The following GPC5 variants were observed in gnomAD, a reference collection of about 807,000 sequenced individuals.
GPC5 encodes glypican 5, also known as glypican-5.
Under a neutral mutation model 53.9 loss-of-function variants are expected in GPC5, and 47 were observed. That is an observed-to-expected ratio of 0.87 (90% CI 0.69 to 1.11). The LOEUF is 1.11. Ranked by LOEUF, GPC5 falls within the 50% of genes most tolerant of loss-of-function variation. GPC5 has a pLI of 0.00. For missense variants in GPC5, 748 were observed against 713.1 expected (o/e 1.05, Z -0.56); for synonymous variants, 286 against 263.3 (o/e 1.09, Z -0.84).
chr13:92,583,104 A>C (rs1034580652), intron 7 of GPC5, among the ~76,000 whole-genome samples: 3 of 152,154 alleles, frequency 2.0e-5, no homozygotes, highest in African/African-American at 7.2e-5. Flanking sequence ...TTCACTGTTA[A>C]GTATGTTAAC....
chr13:92,133,452 G>T (rs2041760856), intron 6 of GPC5, among the ~76,000 whole-genome samples: 1 of 152,124 alleles, frequency 6.6e-6, no homozygotes, highest in South Asian at 2.1e-4. Context: ...TGCATAGCTG[G>T]CTAATGAAGG....
intron 2 of GPC5, among the ~76,000 whole-genome samples, chr13:91,485,599 GA>G (rs1282236958): frequency 6.6e-6 from 1 of 152,098 alleles, no homozygotes; most frequent in African/African-American, 2.4e-5. Context: ...CAAATGAACT[GA>G]ATAATAGTAA....
In GPC5 at chr13:91,629,494, T is replaced by C. The variant is rs57676821; in HGVS notation, c.326-63693T>C. Among the ~76,000 whole-genome samples the C allele has an allele frequency of 1.4e-3, 207 of 151,936 alleles. 1 individual carries two copies. The highest frequency in any genetic ancestry group is 4.8e-3 in the African/African-American group (200 of 41,450). On this transcript the variant is annotated intron_variant, in intron 2 of 7. Coordinates refer to ENST00000377067, the MANE Select transcript of GPC5 (RefSeq NM_004466.6). ...TCCGCCTCTACTAAGAGTACAAAAA[T>C]TTGCTGGGCGTGGTGGCACACACCT...
At chr13:91,914,489 T>C (rs139375304) in intron 6 of GPC5, among the ~76,000 whole-genome samples, 6,382 of 152,128 alleles carry the variant, frequency 0.042, 208 homozygotes, top group Non-Finnish European at 0.066. Flanking sequence ...CATTTTTAGA[T>C]GTGAGGAAAG....
chr13:91,642,979 A>G (rs1458165408), intron 2 of GPC5, among the ~76,000 whole-genome samples: 1 of 152,178 alleles, frequency 6.6e-6, no homozygotes, highest in Non-Finnish European at 1.5e-5. Context: ...TGCTTGCCAC[A>G]TAAGTACGTT....
chr13:91,422,645 G>GAAA (rs72463929), intron 1 of GPC5, among the ~76,000 whole-genome samples: 2 of 148,862 alleles, frequency 1.3e-5, no homozygotes, highest in African/African-American at 2.5e-5. Context: ...AAAGAAAAAA[G>GAAA]AAAAAAAAAA....
chr13:92,765,677 A>C (rs1250687153), intron 7 of GPC5, among the ~76,000 whole-genome samples: 1 of 152,144 alleles, frequency 6.6e-6, no homozygotes, highest in Non-Finnish European at 1.5e-5. Flanking sequence ...GCACCAAGCA[A>C]TCTGAATTCA....
intron 7 of GPC5, among the ~76,000 whole-genome samples, chr13:92,463,686 A>G (rs1878581746): frequency 6.6e-6 from 1 of 152,166 alleles, no homozygotes; most frequent in Non-Finnish European, 1.5e-5. Context: ...ACATAAAATA[A>G]TATTTGGTAA....
At chr13:91,552,365 G>A (rs886132882) in intron 2 of GPC5, among the ~76,000 whole-genome samples, 3 of 151,910 alleles carry the variant, frequency 2.0e-5, no homozygotes, top group African/African-American at 4.8e-5. Flanking sequence ...AGGAATTGCC[G>A]AGACCAGCTC....
intron 3 of GPC5, among the ~76,000 whole-genome samples, chr13:91,702,455 G>T (rs2036013451): frequency 6.6e-6 from 1 of 151,928 alleles, no homozygotes; most frequent in African/African-American, 2.4e-5. Flanking sequence ...TAATTAACTA[G>T]AGATGCATAA....
chr13:92,380,996 G>C (rs1454558357), intron 7 of GPC5, among the ~76,000 whole-genome samples: 1 of 152,050 alleles, frequency 6.6e-6, no homozygotes, highest in Non-Finnish European at 1.5e-5. Flanking sequence ...ATGACCACAT[G>C]AAAACCTCCT....
chr13:92,153,957 T>C (rs1268509296), intron 7 of GPC5, among the ~76,000 whole-genome samples: 6 of 152,194 alleles, frequency 3.9e-5, no homozygotes, highest in Non-Finnish European at 8.8e-5. Context: ...ACTTTGTTTT[T>C]GTATTGTTGT....
At chr13:91,529,640 C>T (rs1210030393) in intron 2 of GPC5, among the ~76,000 whole-genome samples, 1 of 152,058 alleles carries the variant, frequency 6.6e-6, no homozygotes, top group Non-Finnish European at 1.5e-5. Flanking sequence ...GCATTGTTAG[C>T]GTTATAGATA....
At chr13:91,979,130 C>T (rs1404012067) in intron 6 of GPC5, among the ~76,000 whole-genome samples, 1 of 151,862 alleles carries the variant, frequency 6.6e-6, no homozygotes, top group Non-Finnish European at 1.5e-5. Context: ...AATAGCCATC[C>T]AAGCAGAGAT....
chr13:92,705,449 GTAGCTATTCCATA>G (rs1384376357), intron 7 of GPC5, among the ~76,000 whole-genome samples: 2 of 152,076 alleles, frequency 1.3e-5, no homozygotes, highest in East Asian at 3.9e-4. Context: ...GCAATGAAAT[GTAGCTATTCCATA>G]TTGAGATATA....
rs191399961 is a variant in GPC5 at position 92,292,198 on chromosome 13, C to T, written c.1561+147209C>T. On this transcript the variant is annotated intron_variant, in intron 7 of 7. Coordinates refer to ENST00000377067, the MANE Select transcript of GPC5 (RefSeq NM_004466.6). ...TGACTTCTTTTCCTCTAAGTAGATA[C>T]CCAGTAGTGGGATTGCTGGATCAAA... is the stretch of plus-strand genomic sequence containing the variant. Among the ~76,000 whole-genome samples, 5 of 152,264 alleles carry T rather than the reference C, an allele frequency of 3.3e-5. No homozygotes were observed. In the East Asian group the frequency reaches 7.7e-4, roughly 24 times the overall value.
chr13:92,182,646 C>T (rs1312747831), intron 7 of GPC5, among the ~76,000 whole-genome samples: 1 of 152,116 alleles, frequency 6.6e-6, no homozygotes, highest in Non-Finnish European at 1.5e-5. Flanking sequence ...GTGGGCAGAT[C>T]ATGAGGTCAG....
In GPC5 at chr13:92,382,589, C is replaced by T. The variant is rs146949501; in HGVS notation, c.1561+237600C>T. Reference sequence around the variant, plus strand: ...ACTGAAGTTGTTCACACCAGACTCCCTATATCAACAACAATTAAAGTTGAA... The same window carrying T: ...ACTGAAGTTGTTCACACCAGACTCCTTATATCAACAACAATTAAAGTTGAA... On this transcript the variant is annotated intron_variant, in intron 7 of 7. Coordinates refer to ENST00000377067, the MANE Select transcript of GPC5 (RefSeq NM_004466.6). Among the ~76,000 whole-genome samples the T allele has an allele frequency of 1.7e-3, 266 of 152,046 alleles. 2 individuals are homozygous for T. Among genetic ancestry groups the T allele is most frequent in the African/African-American group, 5.9e-3 (244 of 41,448 alleles).
chr13:91,496,769 ATAAC>A (rs1884289450), intron 2 of GPC5, among the ~76,000 whole-genome samples: 1 of 152,204 alleles, frequency 6.6e-6, no homozygotes, highest in South Asian at 2.1e-4. Flanking sequence ...ACATTCAAAA[ATAAC>A]TAAAAGAGTA....
Sources: gnomAD v4.1 joint callset for allele counts (sites outside exome capture counted in the v4.1 genomes callset) on GRCh38, gnomAD v4.1.1 for gene constraint, MANE v1.5 for transcripts, NCBI Gene and HGNC (gene_info 2026-07-23, HGNC 2026-07-21) for gene names.